INPP4B: variants seen among roughly 807,000 people sequenced by gnomAD.
The protein encoded by INPP4B is inositol polyphosphate-4-phosphatase type II B.
In INPP4B, 55 loss-of-function variants were observed where a neutral mutation model predicts 122.5. The observed-to-expected ratio is 0.45, with a 90% confidence interval of 0.36 to 0.56. INPP4B has a LOEUF of 0.56. INPP4B is among the 20% of genes least tolerant of loss of function. The pLI, the probability that INPP4B is intolerant of heterozygous loss-of-function variation, is 0.00. For missense variants in INPP4B, 1,000 were observed against 1,097.7 expected, an observed-to-expected ratio of 0.91 and a Z score of 1.26; for synonymous variants, 403 against 388.7, an observed-to-expected ratio of 1.04 and a Z score of -0.43.
chr4:142,766,774 A>G (rs1205024852), intron 1 of INPP4B: 1 of 152,216 alleles, frequency 6.6e-6, no homozygotes, highest in East Asian at 1.9e-4. Flanking sequence ...AATAGGATTT[A>G]GAGATTGTGT....
chr4:142,407,763 G>C lies in INPP4B; in HGVS notation c.137-2439C>G, dbSNP rs568267551. Among the ~76,000 whole-genome samples, 6 of 152,150 alleles carry C rather than the reference G, an allele frequency of 3.9e-5. No homozygotes were observed. In the South Asian group the frequency reaches 8.3e-4, roughly 21 times the overall value. On this transcript the variant is annotated intron_variant, in intron 5 of 25. Transcript: ENST00000262992. ...GCAGAATTCCTAAGCTGTGCTCCCA[G>C]ATTTCCTGCTTTCTAGTTCTGTGGC...
chr4:142,806,770 AG>A (rs1561091030), intron 1 of INPP4B, among the ~76,000 whole-genome samples: 16 of 87,024 alleles, frequency 1.8e-4, no homozygotes, highest in African/African-American at 5.2e-4. Flanking sequence ...GAAAGAAGAA[AG>A]AAAGAAAGAA....
chr4:142,810,825 T>G (rs1779419979), intron 1 of INPP4B, among the ~76,000 whole-genome samples: 1 of 152,242 alleles, frequency 6.6e-6, no homozygotes, highest in Non-Finnish European at 1.5e-5. Flanking sequence ...TTATGTATCC[T>G]ACACTTATAC....
intron 25 of INPP4B, among the ~76,000 whole-genome samples, chr4:142,064,433 TC>T (rs1762476127): frequency 6.6e-6 from 1 of 152,188 alleles, no homozygotes; most frequent in Non-Finnish European, 1.5e-5. Flanking sequence ...CACAGTGGTC[TC>T]GGTTGCCATT....
At chr4:142,124,461 G>C in intron 19 of INPP4B, 127 bp downstream of exon 19, 1 of 786,454 alleles carries the variant, frequency 1.3e-6, no homozygotes, top group Non-Finnish European at 2.1e-6. Flanking sequence ...TAAGAAACAT[G>C]GGATACCAAA....
At chr4:142,610,305 G>A (rs1022005900) in intron 2 of INPP4B, among the ~76,000 whole-genome samples, 4 of 152,120 alleles carry the variant, frequency 2.6e-5, no homozygotes, top group Non-Finnish European at 5.9e-5. Context: ...TCCCAGCCAT[G>A]TAGAACTGTG....
chr4:142,774,373 C>T (rs1269282712), intron 1 of INPP4B, among the ~76,000 whole-genome samples: 1 of 152,080 alleles, frequency 6.6e-6, no homozygotes, highest in East Asian at 1.9e-4. Flanking sequence ...GGTAGTGCTG[C>T]AATCCTCTCC....
intron 1 of INPP4B, among the ~76,000 whole-genome samples, chr4:142,818,497 A>G (rs1285262274): frequency 6.6e-6 from 1 of 152,096 alleles, no homozygotes; most frequent in Non-Finnish European, 1.5e-5. Context: ...TTTCAACAGA[A>G]TTACAATTTC....
rs370417623 is a variant in INPP4B at position 142,782,067 on chromosome 4, G to C, written c.-253-56166C>G. On this transcript the variant is annotated intron_variant, in intron 1 of 25. Coordinates refer to ENST00000262992, the MANE Select transcript of INPP4B (RefSeq NM_001101669.3). ...TACATATGTATACATGTGCCATGCT[G>C]GTGTGCTGCACCCATTAACTCATCA... Among the ~76,000 whole-genome samples the C allele has an allele frequency of 1.2e-4, 18 of 151,728 alleles. No individual in the cohort carries two copies. The East Asian group carries it at 2.1e-3, about 18-fold the overall frequency.
At chr4:142,297,963 G>C (rs1403357022) in intron 9 of INPP4B, among the ~76,000 whole-genome samples, 1 of 152,170 alleles carries the variant, frequency 6.6e-6, no homozygotes, top group African/African-American at 2.4e-5. Context: ...CCCTGGAAGG[G>C]AGTTTATTAC....
At chr4:142,098,924 C>A (rs963018933) in intron 23 of INPP4B, among the ~76,000 whole-genome samples, 20 of 151,928 alleles carry the variant, frequency 1.3e-4, no homozygotes, top group African/African-American at 4.8e-4. Context: ...CTAGGTCACT[C>A]CAACATTAGA....
At chr4:142,327,899 C>T (rs1327590856) in intron 7 of INPP4B, among the ~76,000 whole-genome samples, 1 of 152,188 alleles carries the variant, frequency 6.6e-6, no homozygotes, top group Admixed American at 6.5e-5. Flanking sequence ...CTTGAATCTG[C>T]TGTATTCCAA....
At chr4:142,470,840 T>C (rs1161753843) in intron 2 of INPP4B, among the ~76,000 whole-genome samples, 1 of 152,154 alleles carries the variant, frequency 6.6e-6, no homozygotes, top group Non-Finnish European at 1.5e-5. Context: ...AAAAAAGTTA[T>C]ATACACAAGT....
Position 142,639,188 on chromosome 4 carries a change from T to C in INPP4B, c.-191+86651A>G, listed in dbSNP as rs546725820. On this transcript the variant is annotated intron_variant, in intron 2 of 25. Coordinates refer to ENST00000262992, the MANE Select transcript of INPP4B (RefSeq NM_001101669.3). ...CTGGATTTGATTTCTTAGTATTTTG[T>C]TGCATCTGTGTTCATAAGAGGTATT... Among the ~76,000 whole-genome samples the C allele has an allele frequency of 2.0e-4, 30 of 152,332 alleles. No individual in the cohort carries two copies. In the South Asian group the frequency reaches 6.0e-3, roughly 30 times the overall value.
intron 25 of INPP4B, among the ~76,000 whole-genome samples, chr4:142,049,164 T>C (rs375356131): frequency 4.9e-4 from 74 of 151,996 alleles, no homozygotes; most frequent in Middle Eastern, 3.4e-3. Flanking sequence ...AAAAATGTAA[T>C]GGAAGAATGT....
intron 2 of INPP4B, among the ~76,000 whole-genome samples, chr4:142,716,882 C>A (rs1340402157): frequency 6.6e-6 from 1 of 152,156 alleles, no homozygotes; most frequent in Non-Finnish European, 1.5e-5. Flanking sequence ...CACATTTCTG[C>A]CTTCTCCTTC....
intron 7 of INPP4B, among the ~76,000 whole-genome samples, chr4:142,325,485 G>A (rs572796392): frequency 2.6e-5 from 4 of 152,088 alleles, no homozygotes; most frequent in Non-Finnish European, 5.9e-5. Context: ...TTGTTGAGTG[G>A]GATATGCTAT....
chr4:142,602,313 T>G (rs907221919), intron 2 of INPP4B, among the ~76,000 whole-genome samples: 41 of 151,946 alleles, frequency 2.7e-4, no homozygotes, highest in African/African-American at 9.9e-4. Flanking sequence ...AACAAACCAC[T>G]ACTCAAAGAA....
At chr4:142,232,739 C>T (rs1349212802) in intron 12 of INPP4B, among the ~76,000 whole-genome samples, 1 of 152,058 alleles carries the variant, frequency 6.6e-6, no homozygotes, top group Non-Finnish European at 1.5e-5. Context: ...TTGTGCCAAA[C>T]AGCCAAGTTG....
Sources: allele counts gnomAD v4.1 joint callset (sites outside exome capture counted in the v4.1 genomes callset), GRCh38; gene constraint gnomAD v4.1.1; transcripts MANE v1.5; gene names NCBI Gene and HGNC (gene_info 2026-07-23, HGNC 2026-07-21).